The following HS6ST3 variants were observed in gnomAD, a reference collection of about 807,000 sequenced individuals.
The protein encoded by HS6ST3 is heparan-sulfate 6-O-sulfotransferase 3.
Under a neutral mutation model 36.7 loss-of-function variants are expected in HS6ST3, and 12 were observed. The ratio of observed to expected loss-of-function variants is 0.33; its 90% CI spans 0.21 to 0.53. The LOEUF (loss-of-function observed/expected upper bound fraction) is 0.53. Among genes scored for constraint, HS6ST3 ranks in the 20% least tolerant of loss-of-function variants. The pLI is 0.95. For synonymous variants in HS6ST3, 240 were observed against 257.5 expected (o/e 0.93, Z 0.65); for missense variants, 584 against 640.9 (o/e 0.91, Z 0.96).
intron 1 of HS6ST3, among the ~76,000 whole-genome samples, chr13:96,166,555 T>TTTTCTTTC: frequency 6.6e-6 from 1 of 151,146 alleles, no homozygotes; most frequent in East Asian, 1.9e-4. Context: ...TCTTTTTTGC[T>TTTTCTTTC]TTTCTTTCTT....
Position 96,222,271 on chromosome 13 carries a change from A to T in HS6ST3, c.707+130702A>T, listed in dbSNP as rs936306612. Among the ~76,000 whole-genome samples, 5 of 151,750 alleles carry T rather than the reference A, an allele frequency of 3.3e-5. No individual in the cohort carries two copies. In the East Asian group the frequency reaches 5.8e-4, roughly 18 times the overall value. On this transcript the variant is annotated intron_variant, in intron 1 of 1. Coordinates refer to ENST00000376705, the MANE Select transcript of HS6ST3 (RefSeq NM_153456.4). ...GGACAAACTACATAAGACAAAGAAT[A>T]AAAAAAAGCCTTGAAATGGGCTTTA...
chr13:96,755,522 G>A (rs1876806250), intron 1 of HS6ST3, among the ~76,000 whole-genome samples: 1 of 151,982 alleles, frequency 6.6e-6, no homozygotes, highest in Admixed American at 6.6e-5. Context: ...CAGCCACCAT[G>A]CCTGGCTAAT....
intron 1 of HS6ST3, among the ~76,000 whole-genome samples, chr13:96,229,958 A>G (rs748373334): frequency 5.3e-5 from 8 of 152,208 alleles, no homozygotes; most frequent in Non-Finnish European, 2.9e-5. Flanking sequence ...GAAGTAACCA[A>G]GAAGAATATT....
chr13:96,415,419 C>A (rs771696444), intron 1 of HS6ST3, among the ~76,000 whole-genome samples: 1 of 152,194 alleles, frequency 6.6e-6, no homozygotes, highest in African/African-American at 2.4e-5. Flanking sequence ...TGCTAAGCTA[C>A]GACAATTTTC....
At chr13:96,110,710 C>T (rs1443361768) in intron 1 of HS6ST3, among the ~76,000 whole-genome samples, 4 of 152,116 alleles carry the variant, frequency 2.6e-5, no homozygotes, top group African/African-American at 9.7e-5. Context: ...AGGCGTGAGC[C>T]ACCACGCCTG....
chr13:96,642,031 A>G (rs886075024), intron 1 of HS6ST3, among the ~76,000 whole-genome samples: 2 of 151,816 alleles, frequency 1.3e-5, no homozygotes, highest in Admixed American at 6.6e-5. Context: ...TTTTACTTCA[A>G]CCCAAAGGAC....
intron 1 of HS6ST3, among the ~76,000 whole-genome samples, chr13:96,206,612 C>T (rs770865006): frequency 3.3e-5 from 5 of 152,084 alleles, no homozygotes; most frequent in Non-Finnish European, 5.9e-5. Context: ...AGAACAGACA[C>T]ACAGACCAAT....
intron 1 of HS6ST3, among the ~76,000 whole-genome samples, chr13:96,670,905 G>T (rs764435716): frequency 6.6e-6 from 1 of 152,106 alleles, no homozygotes; most frequent in Non-Finnish European, 1.5e-5. Flanking sequence ...CTTCTTGGGG[G>T]CCTACTGCTG....
At chr13:96,495,508 A>G (rs1159939005) in intron 1 of HS6ST3, among the ~76,000 whole-genome samples, 3 of 152,312 alleles carry the variant, frequency 2.0e-5, no homozygotes, top group South Asian at 4.1e-4. Flanking sequence ...GAGGAAAATC[A>G]CTACGGAGTA....
At chr13:96,790,270 TACACAC>T (rs56867063) in intron 1 of HS6ST3, among the ~76,000 whole-genome samples, 469 of 144,424 alleles carry the variant, frequency 3.2e-3, no homozygotes, top group African/African-American at 8.7e-3. Flanking sequence ...AACACACATG[TACACAC>T]ACACACACAC....
At chr13:96,447,029 A>C (rs1444775318) in intron 1 of HS6ST3, among the ~76,000 whole-genome samples, 1 of 151,926 alleles carries the variant, frequency 6.6e-6, no homozygotes, top group Non-Finnish European at 1.5e-5. Flanking sequence ...TAGAGCCCTC[A>C]ATTTCTGAAT....
intron 1 of HS6ST3, among the ~76,000 whole-genome samples, chr13:96,238,762 T>G (rs2054546540): frequency 6.6e-6 from 1 of 152,256 alleles, no homozygotes; most frequent in Admixed American, 6.5e-5. Context: ...CCCAGCACAG[T>G]GCTTGTGCAT....
chr13:96,210,095 G>A (rs1383323401), intron 1 of HS6ST3, among the ~76,000 whole-genome samples: 2 of 152,142 alleles, frequency 1.3e-5, no homozygotes, highest in Admixed American at 1.3e-4. Context: ...TACTGCCTTG[G>A]TTGAGATATT....
chr13:96,679,440 C>T (rs1024199493), intron 1 of HS6ST3, among the ~76,000 whole-genome samples: 26 of 152,024 alleles, frequency 1.7e-4, no homozygotes, highest in African/African-American at 6.3e-4. Flanking sequence ...CAGCCCCCAG[C>T]AGCTGTACAT....
At chr13:96,546,313 C>CGTGT (rs745521094) in intron 1 of HS6ST3, among the ~76,000 whole-genome samples, 2 of 149,680 alleles carry the variant, frequency 1.3e-5, no homozygotes, top group Non-Finnish European at 3.0e-5. Flanking sequence ...ATTACAGGGG[C>CGTGT]GTGTGTGTGT....
intron 1 of HS6ST3, among the ~76,000 whole-genome samples, chr13:96,373,482 AAG>A (rs758937546): frequency 1.3e-5 from 2 of 152,202 alleles, no homozygotes; most frequent in Non-Finnish European, 2.9e-5. Context: ...TTAAAATAAA[AAG>A]AGTGAGAAGA....
chr13:96,167,222 A>T (rs556544336), intron 1 of HS6ST3, among the ~76,000 whole-genome samples: 1 of 152,152 alleles, frequency 6.6e-6, no homozygotes, highest in Non-Finnish European at 1.5e-5. Flanking sequence ...ATTTTCATGC[A>T]TATCTTACAG....
chr13:96,614,324 A>AAAT (rs2056466746), intron 1 of HS6ST3, among the ~76,000 whole-genome samples: 2 of 123,688 alleles, frequency 1.6e-5, no homozygotes, highest in African/African-American at 3.0e-5. Flanking sequence ...AAAAAAAAAA[A>AAAT]AAAACAGTTA....
rs139647720 is a variant in HS6ST3 at position 96,578,046 on chromosome 13, G to A, written c.708-254444G>A. On this transcript the variant is annotated intron_variant, in intron 1 of 1. Transcript: ENST00000376705. ...GAAAGAAATTCAGTGCCCAAGAATC[G>A]GGCTGGTTAAGTGCAGCACCACACC... Among the ~76,000 whole-genome samples the A allele has an allele frequency of 3.6e-3, 544 of 152,180 alleles. 1 individual carries two copies. The highest frequency in any genetic ancestry group is 0.012 in the African/African-American group (514 of 41,538).
Sources: gnomAD v4.1 joint callset for allele counts (sites outside exome capture counted in the v4.1 genomes callset) on GRCh38, gnomAD v4.1.1 for gene constraint, MANE v1.5 for transcripts, NCBI Gene and HGNC (gene_info 2026-07-23, HGNC 2026-07-21) for gene names.